Variants in ADCY9 observed in about 807,000 individuals in gnomAD.
ADCY9 encodes the protein adenylate cyclase type 9.
ADCY9 carries 50 observed loss-of-function variants against 101.5 expected under a neutral mutation model. The ratio of observed to expected loss-of-function variants is 0.49; its 90% confidence interval spans 0.39 to 0.62. ADCY9 has a LOEUF of 0.62. Ranked by LOEUF, ADCY9 falls within the 20% of genes least tolerant of loss-of-function variation. The pLI is 0.00. For missense variants in ADCY9, 1,662 were observed against 1,800.4 expected (o/e 0.92, Z 1.39); for synonymous variants, 905 against 769.3 (o/e 1.18, Z -2.92).
At chr16:3,997,216 G>C (rs11076796) in intron 3 of ADCY9, among the ~76,000 whole-genome samples, 1 of 152,102 alleles carries the variant, frequency 6.6e-6, no homozygotes, top group African/African-American at 2.4e-5. Context: ...TGCCCCCCAC[G>C]GCACACTGGC....
In ADCY9 at chr16:4,001,197, C is replaced by T. The variant is rs954469861; in HGVS notation, c.1884+6171G>A. 3.9e-5 allele frequency among the ~76,000 whole-genome samples: 6 copies of T among 152,278 alleles called. No individual in the cohort carries two copies. In the East Asian group the frequency reaches 1.2e-3, roughly 29 times the overall value. On this transcript the variant is annotated intron_variant, in intron 3 of 10. Transcript: ENST00000294016. Reference sequence around the variant, plus strand: ...GATGTCCCCAGTTTCCGCACCGTCCCTTTGCTGTTCGGGTCTCCTCTAGGT... The same window carrying T: ...GATGTCCCCAGTTTCCGCACCGTCCTTTTGCTGTTCGGGTCTCCTCTAGGT...
At chr16:4,036,460 TTG>T (rs1491562097) in intron 2 of ADCY9, among the ~76,000 whole-genome samples, 19 of 101,240 alleles carry the variant, frequency 1.9e-4, no homozygotes, top group African/African-American at 5.4e-4. Context: ...TGGGGTTTGT[TTG>T]TTTTTTTTTT....
At chr16:3,988,099 G>A (rs1447065717) in intron 6 of ADCY9, among the ~76,000 whole-genome samples, 4 of 152,040 alleles carry the variant, frequency 2.6e-5, no homozygotes, top group African/African-American at 9.7e-5. Context: ...ATCTAGGGAG[G>A]GAGGAACACG....
intron 3 of ADCY9, among the ~76,000 whole-genome samples, chr16:4,001,939 G>C (rs924983275): frequency 6.6e-6 from 1 of 151,960 alleles, no homozygotes; most frequent in African/African-American, 2.4e-5. Context: ...AGTAGACATG[G>C]GGTTTCACCA....
Position 4,045,869 on chromosome 16 carries a change from CTTTTTT to C in ADCY9, c.1694-38317_1694-38312del, listed in dbSNP as rs56804050. 8.9e-5 allele frequency among the ~76,000 whole-genome samples: 7 copies of C among 78,898 alleles called. 1 individual carries two copies. In the South Asian group the frequency reaches 3.5e-3, roughly 39 times the overall value. 51.8% of individuals were successfully genotyped at this position (78,898 alleles called of 152,430 possible). A position where few individuals can be genotyped will look rare whatever the true frequency, so the allele number is the denominator to read the frequency against. ...ATGCACCACCATGCTTTTTTTCTTT[CTTTTTT>C]TTTTTTTTTTTTTTTGTAGAGATGA... On this transcript the variant is annotated intron_variant, in intron 2 of 10. Transcript: ENST00000294016.
chr16:4,053,154 C>G (rs756153226), intron 2 of ADCY9, among the ~76,000 whole-genome samples: 13 of 152,208 alleles, frequency 8.5e-5, no homozygotes, highest in Non-Finnish European at 1.3e-4. Flanking sequence ...AATGGGCATG[C>G]GCTTCCGGCC....
chr16:4,093,382 G>A (rs913417004), intron 2 of ADCY9, among the ~76,000 whole-genome samples: 6 of 152,122 alleles, frequency 3.9e-5, no homozygotes, highest in African/African-American at 1.2e-4. Flanking sequence ...AGAGGCTACT[G>A]TTTAAAAACA....
At chr16:3,990,538 T>C (rs936484895) in intron 5 of ADCY9, among the ~76,000 whole-genome samples, 2 of 151,600 alleles carry the variant, frequency 1.3e-5, no homozygotes, top group Non-Finnish European at 2.9e-5. Flanking sequence ...AAAGTACGGC[T>C]CATCACGTGT....
chr16:4,005,844 C>T (rs1392137517), intron 3 of ADCY9, among the ~76,000 whole-genome samples: 1 of 152,186 alleles, frequency 6.6e-6, no homozygotes, highest in Admixed American at 6.5e-5. Flanking sequence ...AAATACAGCT[C>T]AGTTTGCAGG....
chr16:4,027,123 C>T (rs1162512782), intron 2 of ADCY9, among the ~76,000 whole-genome samples: 3 of 152,166 alleles, frequency 2.0e-5, no homozygotes, highest in South Asian at 2.1e-4. Context: ...AGGGTGTAAC[C>T]AAGTAACCAA....
At chr16:3,953,430 A>G (rs915845071) in exon 6 of ADCY9, 2 of 152,102 alleles carry the variant, frequency 1.3e-5, no homozygotes, top group African/African-American at 4.8e-5. Context: ...ATTTTTTCAA[A>G]TTTACAATTA....
intron 2 of ADCY9, among the ~76,000 whole-genome samples, chr16:4,053,485 G>A (rs1050535776): frequency 2.0e-5 from 3 of 152,188 alleles, no homozygotes; most frequent in Non-Finnish European, 2.9e-5. Flanking sequence ...CCTCTGGAGC[G>A]CTTCACGTGC....
At chr16:4,027,872 C>T (rs1237523748) in intron 2 of ADCY9, among the ~76,000 whole-genome samples, 5 of 147,688 alleles carry the variant, frequency 3.4e-5, no homozygotes, top group Non-Finnish European at 5.9e-5. Flanking sequence ...AGCAAAATTC[C>T]GTTTCAAAAA....
At chr16:4,079,478 A>T (rs1337275820) in intron 2 of ADCY9, among the ~76,000 whole-genome samples, 2 of 152,196 alleles carry the variant, frequency 1.3e-5, no homozygotes, top group Non-Finnish European at 2.9e-5. Flanking sequence ...CTGAGGCAGG[A>T]GAATCTCTTG....
At chr16:4,084,231 C>T (rs2056923156) in intron 2 of ADCY9, among the ~76,000 whole-genome samples, 2 of 152,078 alleles carry the variant, frequency 1.3e-5, no homozygotes, top group African/African-American at 4.8e-5. Context: ...CCTGCCTCAG[C>T]CTCCCAAGTA....
At chr16:4,095,399 T>C (rs1317084356) in intron 2 of ADCY9, among the ~76,000 whole-genome samples, 2 of 151,920 alleles carry the variant, frequency 1.3e-5, no homozygotes, top group African/African-American at 2.4e-5. Context: ...ACACTCAATA[T>C]AGGGCCAGTA....
intron 2 of ADCY9, among the ~76,000 whole-genome samples, chr16:4,110,289 G>C (rs1242843205): frequency 6.6e-6 from 1 of 152,024 alleles, no homozygotes; most frequent in Non-Finnish European, 1.5e-5. Context: ...AGTGTTATAC[G>C]GCTCCATGAC....
At chr16:4,007,344 GAA>G in intron 3 of ADCY9, 22 bp downstream of exon 3, 1 of 1,320,328 alleles carries the variant, frequency 7.6e-7, no homozygotes. Context: ...TTAGAAGTAG[GAA>G]AAAAAAAACA....
chr16:3,967,407 G>A (rs1650392760), intron 10 of ADCY9, among the ~76,000 whole-genome samples: 1 of 149,196 alleles, frequency 6.7e-6, no homozygotes, highest in South Asian at 2.1e-4. Context: ...TCTCTCCTTT[G>A]TTTTTTTAGA....
Sources: allele counts gnomAD v4.1 joint callset (sites outside exome capture counted in the v4.1 genomes callset), GRCh38; gene constraint gnomAD v4.1.1; transcripts MANE v1.5; gene names NCBI Gene and HGNC (gene_info 2026-07-23, HGNC 2026-07-21).